CSMD1: variants seen among roughly 807,000 people sequenced by gnomAD.
CSMD1 encodes CUB and Sushi multiple domains 1.
A neutral mutation model predicts 417.5 loss-of-function variants in CSMD1; 213 were observed. The observed-to-expected ratio is 0.51, with a 90% CI of 0.46 to 0.57. CSMD1 has a LOEUF of 0.57. CSMD1 is among the 20% of genes least tolerant of loss of function. The pLI, the probability that CSMD1 is intolerant of heterozygous loss-of-function variation, is 0.00. For synonymous variants in CSMD1, 2,862 were observed against 1,736.8 expected, an observed-to-expected ratio of 1.65 and a Z score of -16.11; for missense variants, 6,923 against 4,529.7, an observed-to-expected ratio of 1.53 and a Z score of -15.17.
chr8:4,309,389 A>G (rs998499208), intron 3 of CSMD1, among the ~76,000 whole-genome samples: 3 of 152,164 alleles, frequency 2.0e-5, no homozygotes, highest in Non-Finnish European at 2.9e-5. Context: ...CTTAGAGAAG[A>G]CCCTCAAAAG....
intron 3 of CSMD1, among the ~76,000 whole-genome samples, chr8:4,128,203 A>T (rs1472761570): frequency 6.6e-6 from 1 of 152,104 alleles, no homozygotes; most frequent in Non-Finnish European, 1.5e-5. Flanking sequence ...CCCTGAGAAA[A>T]CAGCAGCTCC....
chr8:3,625,459 G>A (rs1052524027), intron 7 of CSMD1, among the ~76,000 whole-genome samples: 9 of 151,930 alleles, frequency 5.9e-5, no homozygotes, highest in African/African-American at 2.2e-4. Flanking sequence ...ACCTTCATGT[G>A]CTGACTTTTA....
At chr8:4,139,757 G>A (rs1803668150) in intron 3 of CSMD1, among the ~76,000 whole-genome samples, 1 of 151,100 alleles carries the variant, frequency 6.6e-6, no homozygotes, top group Non-Finnish European at 1.5e-5. Context: ...ACCCAGCAGG[G>A]CACAATCACT....
At position 4,375,702 on chromosome 8, in the gene CSMD1, C is replaced by A. The variant is rs409673; in HGVS notation, c.415+44251G>T. On this transcript the variant is annotated intron_variant, in intron 3 of 69. Transcript: ENST00000635120. ...CAGAGTGAGAGGGGTAATTAAAGGT[C>A]TGCATGACTGTTTTCTTCCTCCTCA... Among the ~76,000 whole-genome samples the A allele has an allele frequency of 3.9e-5, 6 of 152,128 alleles. No homozygotes were observed. In the South Asian group the frequency reaches 1.0e-3, roughly 26 times the overall value.
In CSMD1 at chr8:4,368,118, C is replaced by G. The variant is rs146318364; in HGVS notation, c.415+51835G>C. 9.3e-4 allele frequency among the ~76,000 whole-genome samples: 142 copies of G among 152,190 alleles called. 1 individual carries two copies. The highest frequency in any genetic ancestry group is 3.2e-3 in the African/African-American group (134 of 41,524). On this transcript the variant is annotated intron_variant, in intron 3 of 69. Transcript: ENST00000635120. ...TCAAGGGGAGTGCTTCTAGCTTTTT[C>G]TCATTCAGTATGGTGTTCATAGATG...
chr8:4,593,969 C>A (rs922199041), intron 2 of CSMD1, among the ~76,000 whole-genome samples: 2 of 152,118 alleles, frequency 1.3e-5, no homozygotes, highest in Non-Finnish European at 1.5e-5. Context: ...CCAAACCCTG[C>A]CTGTGGAGGA....
In CSMD1 at chr8:3,843,796, A is replaced by G. The variant is rs368735656; in HGVS notation, c.819-89754T>C. On this transcript the variant is annotated intron_variant, in intron 5 of 69. Transcript: ENST00000635120. ...ATCCACCATCTGCAAAATGTGCATGAAAGTAATACTTCCAAGGCTTGTTTT... is the reference window on the plus strand; with the variant it reads ...ATCCACCATCTGCAAAATGTGCATGGAAGTAATACTTCCAAGGCTTGTTTT... Among the ~76,000 whole-genome samples, 6 of 152,200 alleles carry G rather than the reference A, an allele frequency of 3.9e-5. No homozygotes were observed. The East Asian group carries it at 1.2e-3, about 29-fold the overall frequency.
chr8:4,975,827 G>GAA (rs60614494), intron 1 of CSMD1, among the ~76,000 whole-genome samples: 4 of 151,676 alleles, frequency 2.6e-5, no homozygotes, highest in South Asian at 2.1e-4. Context: ...TGCAATAATA[G>GAA]AAAAAAACCC....
At chr8:4,706,454 C>T (rs1429342864) in intron 1 of CSMD1, among the ~76,000 whole-genome samples, 1 of 152,172 alleles carries the variant, frequency 6.6e-6, no homozygotes, top group Non-Finnish European at 1.5e-5. Context: ...CTCAGTAATT[C>T]ACAAATGTCT....
chr8:3,776,848 T>TG (rs2129061320), intron 5 of CSMD1, among the ~76,000 whole-genome samples: 1 of 128,070 alleles, frequency 7.8e-6, no homozygotes, highest in African/African-American at 3.4e-5. Flanking sequence ...ATACATAGAA[T>TG]GACAGATACA....
chr8:4,466,875 T>C (rs1247935091), intron 2 of CSMD1, among the ~76,000 whole-genome samples: 1 of 151,782 alleles, frequency 6.6e-6, no homozygotes, highest in African/African-American at 2.4e-5. Context: ...GCGATGAGAC[T>C]AAGGTTATTT....
intron 1 of CSMD1, among the ~76,000 whole-genome samples, chr8:4,943,259 G>A (rs1037008673): frequency 6.6e-6 from 1 of 152,048 alleles, no homozygotes; most frequent in Non-Finnish European, 1.5e-5. Context: ...ACTTTGGGCG[G>A]CCCAGGCGGG....
chr8:4,417,972 T>A (rs944248327), intron 3 of CSMD1, among the ~76,000 whole-genome samples: 2 of 152,030 alleles, frequency 1.3e-5, no homozygotes, highest in African/African-American at 4.8e-5. Flanking sequence ...TATCTTACCT[T>A]ACTCTTCCAC....
chr8:4,281,534 A>G (rs2128859921), intron 3 of CSMD1, among the ~76,000 whole-genome samples: 1 of 152,340 alleles, frequency 6.6e-6, no homozygotes, highest in African/African-American at 2.4e-5. Context: ...GCTCACATTA[A>G]AGGTCCTTTA....
At chr8:4,695,398 G>C (rs1387670335) in intron 1 of CSMD1, among the ~76,000 whole-genome samples, 2 of 152,188 alleles carry the variant, frequency 1.3e-5, no homozygotes, top group African/African-American at 4.8e-5. Context: ...GCATATTACT[G>C]AATTTGAAAA....
intron 52 of CSMD1, among the ~76,000 whole-genome samples, chr8:3,005,289 A>G (rs543139932): frequency 2.4e-4 from 36 of 152,176 alleles, no homozygotes; most frequent in Non-Finnish European, 4.1e-4. Context: ...AAGCTTTGAA[A>G]ATCACTAGCT....
intron 5 of CSMD1, among the ~76,000 whole-genome samples, chr8:3,908,741 T>C (rs1393696630): frequency 3.9e-5 from 6 of 152,164 alleles, no homozygotes; most frequent in Admixed American, 2.6e-4. Flanking sequence ...ATTATTAATA[T>C]ACCTTCCAAA....
intron 2 of CSMD1, among the ~76,000 whole-genome samples, chr8:4,486,206 TATATATATATATATATATACATAC>T (rs1563224062): frequency 0.21 from 3,145 of 15,324 alleles, 159 homozygotes; most frequent in South Asian, 0.33. Context: ...TATACATACA[TATATATATATATATATATACATAC>T]ATATATATAT....
At chr8:4,475,619 C>G (rs1191832706) in intron 2 of CSMD1, among the ~76,000 whole-genome samples, 1 of 151,552 alleles carries the variant, frequency 6.6e-6, no homozygotes, top group Non-Finnish European at 1.5e-5. Context: ...TTTTCTTTTT[C>G]TTTTTTCTTT....
Sources: gnomAD v4.1 joint callset for allele counts (sites outside exome capture counted in the v4.1 genomes callset) on GRCh38, gnomAD v4.1.1 for gene constraint, MANE v1.5 for transcripts, NCBI Gene and HGNC (gene_info 2026-07-23, HGNC 2026-07-21) for gene names.